The following PHF24 variants were observed in gnomAD, a reference collection of about 807,000 sequenced individuals.
PHF24 encodes the protein Galpha inhibitory interacting protein.
PHF24 carries 25 observed loss-of-function variants against 42.6 expected under a neutral mutation model. That is an observed-to-expected ratio of 0.59 (90% CI 0.43 to 0.82). PHF24 has a LOEUF of 0.82. Among genes scored for constraint, PHF24 ranks in the 40% least tolerant of loss-of-function variants. The pLI is 0.00. For synonymous variants in PHF24, 185 were observed against 204.8 expected, an observed-to-expected ratio of 0.90 and a Z score of 0.83; for missense variants, 470 against 538.1, an observed-to-expected ratio of 0.87 and a Z score of 1.25.
At chr9:34,952,315 C>T in the PHF24 span, among the ~76,000 whole-genome samples, 5 of 152,234 alleles carry the variant, frequency 3.3e-5, no homozygotes, top group South Asian at 2.1e-4. Flanking sequence ...ACTGCACAAA[C>T]GATGTGCAGG....
chr9:34,949,367 T>G, the PHF24 span, among the ~76,000 whole-genome samples: 1 of 152,090 alleles, frequency 6.6e-6, no homozygotes, highest in Non-Finnish European at 1.5e-5. Context: ...GGCGAGGATG[T>G]GGATAAATAG....
chr9:34,808,562 T>C, the PHF24 span, among the ~76,000 whole-genome samples: 1 of 152,158 alleles, frequency 6.6e-6, no homozygotes, highest in Non-Finnish European at 1.5e-5. Context: ...CAGAAATTTA[T>C]TTCTTACAGT....
chr9:34,875,371 T>C, the PHF24 span, among the ~76,000 whole-genome samples: 1 of 152,222 alleles, frequency 6.6e-6, no homozygotes, highest in Non-Finnish European at 1.5e-5. Flanking sequence ...ATCCTAAGGC[T>C]GTATTTTTCA....
chr9:34,833,355 C>T, the PHF24 span: 5 of 1,550,800 alleles, frequency 3.2e-6, no homozygotes, highest in Admixed American at 3.9e-5. Flanking sequence ...TGGGGTACTG[C>T]TTTGGAATTG....
At chr9:34,893,475 C>G in the PHF24 span, among the ~76,000 whole-genome samples, 1 of 151,968 alleles carries the variant, frequency 6.6e-6, no homozygotes, top group East Asian at 1.9e-4. Flanking sequence ...GTGGCGTATG[C>G]CTGTAGTCCC....
the PHF24 span, chr9:34,894,323 C>T: frequency 8.3e-5 from 33 of 396,396 alleles, 1 homozygote. Context: ...AACCAGCCTC[C>T]ACTGTGTATG....
the PHF24 span, among the ~76,000 whole-genome samples, chr9:34,877,547 G>A: frequency 6.6e-6 from 1 of 152,146 alleles, no homozygotes; most frequent in Non-Finnish European, 1.5e-5. Context: ...GTTTGAAATA[G>A]ATAGTGGTGG....
chr9:34,715,445 A>C, the PHF24 span, among the ~76,000 whole-genome samples: 316 of 152,262 alleles, frequency 2.1e-3, no homozygotes, highest in African/African-American at 7.3e-3. Flanking sequence ...TGGAGCCTGC[A>C]GCTTTGACCC....
the PHF24 span, among the ~76,000 whole-genome samples, chr9:34,948,884 C>T: frequency 3.3e-5 from 5 of 152,064 alleles, no homozygotes; most frequent in African/African-American, 4.8e-5. Context: ...AAAGCTAGAC[C>T]GACTATATTA....
At chr9:34,865,167 G>A in the PHF24 span, among the ~76,000 whole-genome samples, 1 of 149,376 alleles carries the variant, frequency 6.7e-6, no homozygotes, top group Non-Finnish European at 1.5e-5. Context: ...AAAGCAGAGG[G>A]ACAAAGTTAA....
chr9:34,830,594 G>C, the PHF24 span, among the ~76,000 whole-genome samples: 1 of 152,178 alleles, frequency 6.6e-6, no homozygotes, highest in Non-Finnish European at 1.5e-5. Flanking sequence ...TTGATGTGTG[G>C]CTAGGATTAC....
chr9:34,788,433 T>C, the PHF24 span, among the ~76,000 whole-genome samples: 3 of 152,212 alleles, frequency 2.0e-5, no homozygotes, highest in African/African-American at 7.2e-5. Flanking sequence ...CCTTTCAAAA[T>C]AGAACTCCCT....
exon 2 of PHF24, chr9:34,971,498 T>C (rs746000029): frequency 1.2e-6 from 2 of 1,614,050 alleles, no homozygotes; most frequent in South Asian, 2.2e-5. Flanking sequence ...GGAACCTCGG[T>C]GGTCCAGGAA....
the PHF24 span, among the ~76,000 whole-genome samples, chr9:34,949,310 G>A: frequency 1.3e-5 from 2 of 151,980 alleles, no homozygotes; most frequent in African/African-American, 2.4e-5. Flanking sequence ...ACCATCTCAC[G>A]CCAGTTAGAT....
At chr9:34,977,983 C>A in intron 7 of PHF24, 32 bp from the exon 8 acceptor site, 1 of 1,553,196 alleles carries the variant, frequency 6.4e-7, no homozygotes, top group Non-Finnish European at 8.9e-7. Context: ...TTCAAACCAG[C>A]CTCACGACTC....
At chr9:34,719,218 A>T in the PHF24 span, among the ~76,000 whole-genome samples, 201 of 152,186 alleles carry the variant, frequency 1.3e-3, 1 homozygote, top group Non-Finnish European at 2.4e-3. Context: ...TTGTAGTTTT[A>T]ATAGAGACAG....
chr9:34,692,210 C>G, the PHF24 span, among the ~76,000 whole-genome samples: 3 of 152,206 alleles, frequency 2.0e-5, no homozygotes, highest in South Asian at 6.2e-4. Context: ...GGGAACATTT[C>G]CCTCTTAAAT....
the PHF24 span, among the ~76,000 whole-genome samples, chr9:34,864,645 A>G: frequency 6.6e-6 from 1 of 152,312 alleles, no homozygotes; most frequent in South Asian, 2.1e-4. Context: ...AGAAGTGCTA[A>G]AGGGAGTACT....
At chr9:34,944,341 A>G in the PHF24 span, among the ~76,000 whole-genome samples, 12 of 152,364 alleles carry the variant, frequency 7.9e-5, no homozygotes, top group East Asian at 1.7e-3. Flanking sequence ...CCAATATGTG[A>G]TAGCTAATTC....
Sources: gnomAD v4.1 joint callset for allele counts (sites outside exome capture counted in the v4.1 genomes callset) on GRCh38, gnomAD v4.1.1 for gene constraint, MANE v1.5 for transcripts, NCBI Gene and HGNC (gene_info 2026-07-23, HGNC 2026-07-21) for gene names.